NT5C2: variants seen among roughly 807,000 people sequenced by gnomAD.
NT5C2 encodes the protein cytosolic purine 5'-nucleotidase.
NT5C2 carries 58 observed loss-of-function variants against 76.1 expected under a neutral mutation model. The observed-to-expected ratio is 0.76, with a 90% CI of 0.62 to 0.95. NT5C2 has a LOEUF of 0.95. Ranked by LOEUF, NT5C2 falls within the 40% of genes least tolerant of loss-of-function variation. The pLI is 0.00. For missense variants in NT5C2, 478 were observed against 690.3 expected (o/e 0.69, Z 3.45); for synonymous variants, 229 against 237.4 (o/e 0.96, Z 0.32).
At position 103,124,305 on chromosome 10, in the gene NT5C2, C is replaced by T. The variant is rs114151364; in HGVS notation, c.175+15101G>A. ...ATGCTCATGGAAACATGCTCTGTTG[C>T]CAAAATACCCTGTCATTCAGCTGCT... On this transcript the variant is annotated intron_variant, in intron 4 of 18. Coordinates refer to ENST00000404739, the MANE Select transcript of NT5C2 (RefSeq NM_001351169.2). 2.3e-3 allele frequency among the ~76,000 whole-genome samples: 343 copies of T among 152,058 alleles called. 4 individuals are homozygous for T. Among genetic ancestry groups the T allele is most frequent in the African/African-American group, 7.8e-3 (325 of 41,444 alleles).
chr10:103,177,695 T>A (rs959492627), intron 2 of NT5C2, among the ~76,000 whole-genome samples: 2 of 151,984 alleles, frequency 1.3e-5, no homozygotes, highest in Non-Finnish European at 2.9e-5. Flanking sequence ...CTAATTATTA[T>A]TTTTTTTAAT....
intron 13 of NT5C2, 51 bp from the exon 14 acceptor site, chr10:103,094,089 T>A (rs1590673390): frequency 1.4e-6 from 2 of 1,471,632 alleles, no homozygotes; most frequent in East Asian, 4.5e-5. Flanking sequence ...ATCACAATCC[T>A]CCCCTCACCC....
At chr10:103,189,922 G>T (rs551025444) in intron 1 of NT5C2, among the ~76,000 whole-genome samples, 1 of 145,946 alleles carries the variant, frequency 6.9e-6, no homozygotes, top group Non-Finnish European at 1.5e-5. Context: ...CACCTGCCTC[G>T]ACCTCCCAAA....
intron 3 of NT5C2, among the ~76,000 whole-genome samples, chr10:103,173,133 G>A (rs1353535463): frequency 6.6e-6 from 1 of 152,116 alleles, no homozygotes; most frequent in Non-Finnish European, 1.5e-5. Flanking sequence ...ACAGATGCGA[G>A]CCACCATGCC....
At chr10:103,147,928 A>C (rs2081761751) in intron 3 of NT5C2, among the ~76,000 whole-genome samples, 1 of 152,164 alleles carries the variant, frequency 6.6e-6, no homozygotes, top group Admixed American at 6.5e-5. Context: ...GAATATACTA[A>C]AATGATCAAA....
chr10:103,091,052 T>C, intron 16 of NT5C2, 56 bp from the exon 17 acceptor site: 1 of 1,473,334 alleles, frequency 6.8e-7, no homozygotes, highest in African/African-American at 1.4e-5. Context: ...TTTTTTATTC[T>C]TTAAGACAGT....
At chr10:103,094,524 C>A (rs2067687525) in intron 12 of NT5C2, 69 bp from the exon 13 acceptor site, 1 of 796,242 alleles carries the variant, frequency 1.3e-6, no homozygotes, top group Admixed American at 2.0e-5. Flanking sequence ...TTTAATCTCA[C>A]TCAGATGCAA....
At chr10:103,094,197 G>GT in intron 13 of NT5C2, 151 bp downstream of exon 13, 2 of 677,950 alleles carry the variant, frequency 3.0e-6, no homozygotes, top group Non-Finnish European at 2.5e-6. Flanking sequence ...TTGTTTGACT[G>GT]TTTCAGTTAA....
chr10:103,170,924 AC>A, intron 3 of NT5C2, among the ~76,000 whole-genome samples: 1 of 152,316 alleles, frequency 6.6e-6, no homozygotes, highest in African/African-American at 2.4e-5. Flanking sequence ...GTTAATTAAT[AC>A]TTTATAGTGT....
chr10:103,106,688 T>C lies in NT5C2; in HGVS notation c.194A>G (p.Tyr65Cys). 6.2e-6 allele frequency: 10 copies of C among 1,610,484 alleles called. No homozygotes were observed. Among genetic ancestry groups the C allele is most frequent in the African/African-American group, 5.3e-5 (4 of 74,970 alleles). ...YTLAVYKSPE[Y>C]ESLGFELTVE... is the part of the protein sequence containing the mutation. ...AGTAAGCTCAAAACCAAGGGACTCATACTCTGGGGACTTGTACACTGCACA... is the reference window on the plus strand; with the variant it reads ...AGTAAGCTCAAAACCAAGGGACTCACACTCTGGGGACTTGTACACTGCACA... Residue 65 changes from tyrosine (Y) to cysteine (C), a missense_variant, in exon 5 of 19, where the codon TAT becomes TGT. Tyr to Cys is a radical substitution (Grantham distance 194). Coordinates refer to ENST00000404739, the MANE Select transcript of NT5C2 (RefSeq NM_001351169.2).
At chr10:103,093,393 A>G in intron 14 of NT5C2, 84 bp from the exon 15 acceptor site, 1 of 1,128,270 alleles carries the variant, frequency 8.9e-7, no homozygotes, top group South Asian at 2.0e-5. Flanking sequence ...AAATACTATG[A>G]TTCATTTTAT....
intron 4 of NT5C2, among the ~76,000 whole-genome samples, chr10:103,131,483 C>A (rs1184972450): frequency 6.6e-6 from 1 of 152,144 alleles, no homozygotes; most frequent in East Asian, 1.9e-4. Flanking sequence ...GGGATTAGTG[C>A]CCTTATAAAA....
At chr10:103,156,122 T>C (rs1422013670) in intron 3 of NT5C2, among the ~76,000 whole-genome samples, 1 of 152,004 alleles carries the variant, frequency 6.6e-6, no homozygotes, top group African/African-American at 2.4e-5. Flanking sequence ...GATCATGCCA[T>C]TACACTCCAG....
intron 3 of NT5C2, among the ~76,000 whole-genome samples, chr10:103,159,251 G>GCATGCA (rs905538467): frequency 1.5e-5 from 2 of 133,202 alleles, no homozygotes; most frequent in African/African-American, 2.8e-5. Context: ...TCCAAAACAT[G>GCATGCA]CACACACACA....
At chr10:103,144,320 G>A (rs779776970) in intron 3 of NT5C2, among the ~76,000 whole-genome samples, 1 of 152,162 alleles carries the variant, frequency 6.6e-6, no homozygotes, top group Non-Finnish European at 1.5e-5. Flanking sequence ...AGAGAAGTAT[G>A]CGGAACGACA....
chr10:103,179,051 C>G (rs1178517132), intron 2 of NT5C2, among the ~76,000 whole-genome samples: 1 of 149,638 alleles, frequency 6.7e-6, no homozygotes, highest in Non-Finnish European at 1.5e-5. Flanking sequence ...CAGGTTCAAG[C>G]GATTCTCCTG....
intron 3 of NT5C2, among the ~76,000 whole-genome samples, chr10:103,154,244 G>C: frequency 6.6e-6 from 1 of 151,990 alleles, no homozygotes. Context: ...ATACCTTAAA[G>C]AACTACTACT....
intron 3 of NT5C2, 72 bp from the exon 4 acceptor site, chr10:103,139,551 CTA>C (rs1436551514): frequency 5.6e-6 from 6 of 1,070,424 alleles, no homozygotes; most frequent in Non-Finnish European, 6.7e-6. Context: ...AGTTATTTGG[CTA>C]TTTTTCTAGG....
chr10:103,093,836 G>A, intron 14 of NT5C2, 136 bp downstream of exon 14: 1 of 647,480 alleles, frequency 1.5e-6, no homozygotes, highest in South Asian at 2.0e-5. Context: ...ATTAAGAGGT[G>A]ACTAAACTAT....
Sources: allele counts gnomAD v4.1 joint callset (sites outside exome capture counted in the v4.1 genomes callset), GRCh38; gene constraint gnomAD v4.1.1; transcripts MANE v1.5; gene names NCBI Gene and HGNC (gene_info 2026-07-23, HGNC 2026-07-21).